The following PLB1 variants were observed in gnomAD, a reference collection of about 807,000 sequenced individuals.
PLB1 encodes phospholipase B1, membrane-associated.
In PLB1, 242 loss-of-function variants were observed where a neutral mutation model predicts 227.4. That is an observed-to-expected ratio of 1.06 (90% CI 0.96 to 1.18). The LOEUF (loss-of-function observed/expected upper bound fraction) is 1.18. Ranked by LOEUF, PLB1 falls within the 50% of genes most tolerant of loss-of-function variation. The pLI, the probability that PLB1 is intolerant of heterozygous loss-of-function variation, is 0.00. For missense variants in PLB1, 1,858 were observed against 1,816.3 expected (o/e 1.02, Z -0.42); for synonymous variants, 757 against 682.2 (o/e 1.11, Z -1.71).
At chr2:28,525,801 G>A in intron 5 of PLB1, 104 bp from the exon 6 acceptor site, 1 of 1,411,084 alleles carries the variant, frequency 7.1e-7, no homozygotes, top group Non-Finnish European at 9.8e-7. Context: ...CCAGAGCAAG[G>A]CTAGGCCAAA....
At chr2:28,532,344 G>T in intron 9 of PLB1, 150 bp downstream of exon 9, 1 of 504,206 alleles carries the variant, frequency 2.0e-6, no homozygotes, top group Non-Finnish European at 3.5e-6. Context: ...ATGGATGGAT[G>T]GATAGATGGA....
In PLB1 at chr2:28,597,946, A is replaced by G. The variant is rs1023183416; in HGVS notation, c.2322-59A>G. 10 of 1,513,612 alleles carry G rather than the reference A, an allele frequency of 6.6e-6. No individual in the cohort carries two copies. The Admixed American group carries it at 1.5e-4, about 23-fold the overall frequency. 93.8% of individuals were successfully genotyped at this position (1,513,612 alleles called of 1,614,324 possible). On this transcript the variant is annotated intron_variant, in intron 33 of 57. Transcript: ENST00000327757. The stretch of plus-strand genomic sequence containing the variant: ...GGGGCTGCTCTTGTGTAAAGTTCCT[A>G]GATTGATTCAACCAATATGTCTCTC...
At chr2:28,512,062 T>A (rs185081825) in intron 1 of PLB1, among the ~76,000 whole-genome samples, 1 of 151,414 alleles carries the variant, frequency 6.6e-6, no homozygotes, top group African/African-American at 2.4e-5. Flanking sequence ...ATTTTATCTT[T>A]AAATCATTTC....
chr2:28,529,686 A>G (rs1282375608), intron 7 of PLB1, 42 bp from the exon 8 acceptor site: 1 of 1,597,210 alleles, frequency 6.3e-7, no homozygotes, highest in African/African-American at 1.3e-5. Context: ...TTAACAAAAT[A>G]ATATTTAGCC....
intron 33 of PLB1, among the ~76,000 whole-genome samples, chr2:28,596,322 AT>A (rs755203194): frequency 2.4e-4 from 37 of 152,182 alleles, no homozygotes; most frequent in South Asian, 2.1e-3. Context: ...GAGTTTGAAT[AT>A]TTTTGCGCTT....
intron 38 of PLB1, 142 bp downstream of exon 38, chr2:28,602,106 G>T (rs1195130058): frequency 5.0e-6 from 4 of 803,766 alleles, no homozygotes; most frequent in East Asian, 5.2e-5. Flanking sequence ...CAGAGGTTGG[G>T]GTCTAACCCC....
chr2:28,561,986 CATATT>C (rs1405750182), intron 17 of PLB1, among the ~76,000 whole-genome samples: 4 of 152,180 alleles, frequency 2.6e-5, no homozygotes, highest in Admixed American at 2.6e-4. Context: ...TAAAAAGTCA[CATATT>C]ATATGATTCT....
intron 54 of PLB1, 136 bp downstream of exon 54, chr2:28,630,800 C>T (rs1573563895): frequency 1.5e-6 from 1 of 664,700 alleles, no homozygotes; most frequent in Admixed American, 2.9e-5. Context: ...CCCTGAAATA[C>T]TTACCCCTGC....
At chr2:28,642,836 G>A in intron 57 of PLB1, 22 bp from the exon 58 acceptor site, 1 of 1,553,362 alleles carries the variant, frequency 6.4e-7, no homozygotes. Context: ...CCTTTCCACT[G>A]ACCCCCGCTC....
chr2:28,570,242 A>T (rs184331087), intron 20 of PLB1, among the ~76,000 whole-genome samples: 1 of 152,332 alleles, frequency 6.6e-6, no homozygotes, highest in Admixed American at 6.5e-5. Flanking sequence ...ATGACCAGTA[A>T]GTATTATGAA....
intron 1 of PLB1, among the ~76,000 whole-genome samples, chr2:28,513,260 G>A (rs116367720): frequency 2.5e-3 from 377 of 152,244 alleles, no homozygotes; most frequent in African/African-American, 8.6e-3. Flanking sequence ...TTTGCTTTTG[G>A]CAGGCAGTTA....
At chr2:28,636,007 A>ATG (rs1689268223) in intron 56 of PLB1, among the ~76,000 whole-genome samples, 2 of 108,912 alleles carry the variant, frequency 1.8e-5, no homozygotes, top group African/African-American at 6.4e-5. Flanking sequence ...ATGTATGTGT[A>ATG]TGTATGTATG....
intron 6 of PLB1, among the ~76,000 whole-genome samples, chr2:28,527,159 C>G (rs1670373002): frequency 6.6e-6 from 1 of 152,140 alleles, no homozygotes; most frequent in South Asian, 2.1e-4. Context: ...AATGCAGATG[C>G]CTCTTTGCCT....
intron 33 of PLB1, chr2:28,595,588 A>G (rs940217145): frequency 6.6e-6 from 1 of 152,130 alleles, no homozygotes; most frequent in African/African-American, 2.4e-5. Context: ...TATCTGTTTA[A>G]CCCAATGTTT....
In PLB1 at chr2:28,503,017, G is replaced by A. The variant is rs116422028; in HGVS notation, c.55+6848G>A. Among the ~76,000 whole-genome samples, 966 of 152,076 alleles carry A rather than the reference G, an allele frequency of 6.4e-3. 17 individuals are homozygous for A. Among genetic ancestry groups the A allele is most frequent in the African/African-American group, 0.021 (889 of 41,482 alleles). ...TTGCAAGTGGTTTGGCATAAAATTT[G>A]TGTATGGTTTTCTGTTATCCCTTCA... On this transcript the variant is annotated intron_variant, in intron 1 of 57. Coordinates refer to ENST00000327757, the MANE Select transcript of PLB1 (RefSeq NM_153021.5).
At chr2:28,590,162 C>A in intron 29 of PLB1, 86 bp downstream of exon 29, 2 of 1,159,260 alleles carry the variant, frequency 1.7e-6, no homozygotes, top group African/African-American at 1.5e-5. Context: ...CTCACCCCAG[C>A]TCTGCCTGCC....
chr2:28,591,775 G>A lies in PLB1; in HGVS notation c.2188+15G>A. The A allele has an allele frequency of 6.2e-7, 1 of 1,613,204 alleles. No homozygotes were observed. The highest frequency in any genetic ancestry group is 8.5e-7 in the Non-Finnish European group (1 of 1,179,720). On this transcript the variant is annotated intron_variant, in intron 31 of 57. Transcript: ENST00000327757. ...CCCTACCTCAGGTAAGCCCCCTATG[G>A]CACAGCAGGACCCAGGGCCCCTCCA...
At chr2:28,524,844 CTTTTTTTT>C (rs779955635) in intron 4 of PLB1, among the ~76,000 whole-genome samples, 118 of 106,580 alleles carry the variant, frequency 1.1e-3, no homozygotes, top group Non-Finnish European at 1.8e-3. Context: ...CTCTCTCTCT[CTTTTTTTT>C]TTTTTTTTTT....
chr2:28,630,059 A>G (rs4530322), intron 53 of PLB1, among the ~76,000 whole-genome samples: 87,153 of 152,050 alleles, frequency 0.57, 25,448 homozygotes, highest in African/African-American at 0.66. Flanking sequence ...ATGTTGTCAG[A>G]GTTGCTTCCA....
Sources: gnomAD v4.1 joint callset for allele counts (sites outside exome capture counted in the v4.1 genomes callset) on GRCh38, gnomAD v4.1.1 for gene constraint, MANE v1.5 for transcripts, NCBI Gene and HGNC (gene_info 2026-07-23, HGNC 2026-07-21) for gene names.